BMPR1A: variants seen among roughly 807,000 people sequenced by gnomAD.
The protein encoded by BMPR1A is bone morphogenetic protein receptor type 1A.
Under a neutral mutation model 66.0 loss-of-function variants are expected in BMPR1A, and 7 were observed. The observed-to-expected ratio is 0.11, with a 90% CI of 0.06 to 0.20. The LOEUF (loss-of-function observed/expected upper bound fraction) is 0.20, where lower values mean the gene tolerates loss of function less well. Ranked by LOEUF, BMPR1A falls within the 10% of genes least tolerant of loss-of-function variation. The pLI is 1.00. For missense variants in BMPR1A, 408 were observed against 669.1 expected (o/e 0.61, Z 4.31); for synonymous variants, 200 against 229.7 (o/e 0.87, Z 1.17).
intron 1 of BMPR1A, among the ~76,000 whole-genome samples, chr10:86,759,467 T>G (rs1417704025): frequency 6.6e-6 from 1 of 152,248 alleles, no homozygotes; most frequent in Non-Finnish European, 1.5e-5. Flanking sequence ...TGTACCTGAT[T>G]GTTCTGAGCT....
intron 2 of BMPR1A, among the ~76,000 whole-genome samples, chr10:86,874,709 CTTTTTTTTTTTTTTT>C (rs200991488): frequency 1.1e-5 from 1 of 92,430 alleles, no homozygotes; most frequent in Non-Finnish European, 2.1e-5. Flanking sequence ...ACCCGACCTT[CTTTTTTTTTTTTTTT>C]TTTTTTTTTT....
chr10:86,835,927 AGCT>A (rs1455851422), intron 1 of BMPR1A, among the ~76,000 whole-genome samples: 1 of 152,228 alleles, frequency 6.6e-6, no homozygotes, highest in Non-Finnish European at 1.5e-5. Flanking sequence ...TTTTGATGTT[AGCT>A]CTGAGTTATG....
At chr10:86,881,868 C>T (rs934958162) in intron 3 of BMPR1A, among the ~76,000 whole-genome samples, 1 of 152,018 alleles carries the variant, frequency 6.6e-6, no homozygotes, top group Non-Finnish European at 1.5e-5. Context: ...ATTTATGATA[C>T]AATTGGAAAT....
intron 1 of BMPR1A, among the ~76,000 whole-genome samples, chr10:86,810,735 C>T (rs1310851119): frequency 1.3e-5 from 2 of 152,340 alleles, no homozygotes; most frequent in South Asian, 2.1e-4. Context: ...ATTCTTTGCT[C>T]ATTTTTAACT....
intron 2 of BMPR1A, among the ~76,000 whole-genome samples, chr10:86,872,476 A>G (rs928790953): frequency 2.0e-5 from 3 of 152,154 alleles, no homozygotes; most frequent in Non-Finnish European, 4.4e-5. Flanking sequence ...CTTAAAGTCT[A>G]CTTGCCTGTT....
intron 8 of BMPR1A, 90 bp from the exon 9 acceptor site, chr10:86,917,044 C>G (rs1178106101): frequency 1.4e-6 from 2 of 1,420,010 alleles, no homozygotes; most frequent in African/African-American, 1.4e-5. Context: ...TTGGGTACAC[C>G]ATGCTTTTTG....
intron 2 of BMPR1A, among the ~76,000 whole-genome samples, chr10:86,868,756 A>G (rs1766654764): frequency 7.0e-6 from 1 of 143,590 alleles, no homozygotes; most frequent in Non-Finnish European, 1.5e-5. Context: ...TGTTTTTTCA[A>G]CTGACTTCAG....
intron 7 of BMPR1A, among the ~76,000 whole-genome samples, chr10:86,904,284 A>G (rs1421035230): frequency 6.6e-6 from 1 of 152,244 alleles, no homozygotes; most frequent in African/African-American, 2.4e-5. Flanking sequence ...GAAGAAAACT[A>G]CATTAAGGCA....
At chr10:86,810,232 C>T (rs1292339495) in intron 1 of BMPR1A, among the ~76,000 whole-genome samples, 1 of 152,290 alleles carries the variant, frequency 6.6e-6, no homozygotes, top group East Asian at 1.9e-4. Context: ...CCACCCGCCT[C>T]AGTCTCCCAA....
intron 1 of BMPR1A, among the ~76,000 whole-genome samples, chr10:86,771,612 TTA>T (rs1174355709): frequency 6.6e-6 from 1 of 152,218 alleles, no homozygotes; most frequent in Non-Finnish European, 1.5e-5. Flanking sequence ...AACCACATAA[TTA>T]TATTGTCAAA....
intron 1 of BMPR1A, among the ~76,000 whole-genome samples, chr10:86,796,021 A>G (rs1841705322): frequency 6.6e-6 from 1 of 152,186 alleles, no homozygotes; most frequent in African/African-American, 2.4e-5. Flanking sequence ...TCCCCAAAGC[A>G]GTTACAATAT....
chr10:86,851,803 A>T (rs1842571878), intron 2 of BMPR1A, among the ~76,000 whole-genome samples: 1 of 152,156 alleles, frequency 6.6e-6, no homozygotes, highest in Non-Finnish European at 1.5e-5. Flanking sequence ...TATGGAGGAG[A>T]GGGGAGGAGA....
At chr10:86,915,757 T>C (rs1843559936) in intron 8 of BMPR1A, among the ~76,000 whole-genome samples, 1 of 152,042 alleles carries the variant, frequency 6.6e-6, no homozygotes, top group Non-Finnish European at 1.5e-5. Context: ...ACAAAAGGAT[T>C]CTATAATAAA....
At chr10:86,863,504 A>C (rs1564706612) in intron 2 of BMPR1A, among the ~76,000 whole-genome samples, 1 of 152,318 alleles carries the variant, frequency 6.6e-6, no homozygotes, top group South Asian at 2.1e-4. Flanking sequence ...GACCTAAAAA[A>C]TGGAATTTAT....
At chr10:86,781,008 C>G (rs1841428973) in intron 1 of BMPR1A, among the ~76,000 whole-genome samples, 1 of 151,998 alleles carries the variant, frequency 6.6e-6, no homozygotes, top group Non-Finnish European at 1.5e-5. Flanking sequence ...TGGCCAAAAT[C>G]AGTTTTAATA....
Position 86,799,469 on chromosome 10 carries a change from TCTTCCTTCCTTCCTTC to T in BMPR1A, c.-267-39372_-267-39357del, listed in dbSNP as rs4029467. On this transcript the variant is annotated intron_variant, in intron 1 of 12. Coordinates refer to ENST00000372037, the MANE Select transcript of BMPR1A (RefSeq NM_004329.3). Reference sequence around the variant, plus strand: ...TGTACATTTTCTTTCTTCCTTCCTTTCTTCCTTCCTTCCTTCCTTCCTTCCTTCCTTCCTTCCTTTC... The same window carrying T: ...TGTACATTTTCTTTCTTCCTTCCTTTCTTCCTTCCTTCCTTCCTTCCTTTC... Among the ~76,000 whole-genome samples, 9 of 121,004 alleles carry T rather than the reference TCTTCCTTCCTTCCTTC, an allele frequency of 7.4e-5. No individual in the cohort carries two copies. In the East Asian group the frequency reaches 1.0e-3, roughly 14 times the overall value. The allele number at this position is 121,004 out of a possible 152,430, so 79.4% of individuals were successfully genotyped here. A position where few individuals can be genotyped will look rare whatever the true frequency, so the allele number is the denominator to read the frequency against.
chr10:86,931,500 G>T (rs1232909462), downstream of BMPR1A: 1 of 151,202 alleles, frequency 6.6e-6, no homozygotes, highest in African/African-American at 2.4e-5. Flanking sequence ...GCTGTGGGAG[G>T]GATTTTAATC....
At chr10:86,809,166 C>T (rs1841931760) in intron 1 of BMPR1A, among the ~76,000 whole-genome samples, 2 of 152,106 alleles carry the variant, frequency 1.3e-5, no homozygotes, top group Admixed American at 6.5e-5. Context: ...ATATGCATAA[C>T]ATAAAATTTA....
At chr10:86,782,058 TC>T (rs1395153925) in intron 1 of BMPR1A, among the ~76,000 whole-genome samples, 2 of 145,620 alleles carry the variant, frequency 1.4e-5, no homozygotes, top group African/African-American at 2.5e-5. Context: ...AGACGGGGTT[TC>T]ACTACGTTGG....
Sources: gnomAD v4.1 joint callset for allele counts (sites outside exome capture counted in the v4.1 genomes callset) on GRCh38, gnomAD v4.1.1 for gene constraint, MANE v1.5 for transcripts, NCBI Gene and HGNC (gene_info 2026-07-23, HGNC 2026-07-21) for gene names.